Variants in CHTF8 observed in about 807,000 individuals in gnomAD.
The protein encoded by CHTF8 is chromosome transmission fidelity factor 8.
In CHTF8, 6 loss-of-function variants were observed where a neutral mutation model predicts 11.0. The observed-to-expected ratio is 0.55, with a 90% CI of 0.30 to 1.08. The LOEUF (loss-of-function observed/expected upper bound fraction) is 1.08, where lower values mean the gene tolerates loss of function less well. CHTF8 is among the 50% of genes least tolerant of loss of function. CHTF8 has a pLI of 0.07. For missense variants in CHTF8, 140 were observed against 153.1 expected, an observed-to-expected ratio of 0.91 and a Z score of 0.45; for synonymous variants, 53 against 60.5, an observed-to-expected ratio of 0.88 and a Z score of 0.57.
Position 69,118,158 on chromosome 16 carries a change from C to CAA in CHTF8, c.*2266_*2267insTT. The CAA allele has an allele frequency of 2.2e-6, 1 of 447,672 alleles. No individual in the cohort carries two copies. Among genetic ancestry groups the CAA allele is most frequent in the Non-Finnish European group, 4.1e-6 (1 of 242,248 alleles). The allele number at this position is 447,672 out of a possible 1,614,324, so 27.7% of individuals were successfully genotyped here. On this transcript the variant is annotated 3_prime_UTR_variant, in exon 4 of 4. Transcript: ENST00000448552. Reference sequence around the variant, plus strand: ...ACCCTAATTCCCATATTCCCATCCACATCAGTTTAAATTTTGAGGTTCTTT... The same window carrying CAA: ...ACCCTAATTCCCATATTCCCATCCACAAATCAGTTTAAATTTTGAGGTTCTTT...
At position 69,118,412 on chromosome 16, in the gene CHTF8, G is replaced by C; in HGVS notation, c.*2013C>G. Reference sequence around the variant, plus strand: ...CCAGGTCCAAGCTGCCCAGGTCAGAGCTACGGAAGCATGGTCCGTTCACCA... The same window carrying C: ...CCAGGTCCAAGCTGCCCAGGTCAGACCTACGGAAGCATGGTCCGTTCACCA... On this transcript the variant is annotated 3_prime_UTR_variant, in exon 4 of 4. Coordinates refer to ENST00000448552, the MANE Select transcript of CHTF8 (RefSeq NM_001039690.5). 1 of 1,613,706 alleles carries C rather than the reference G, an allele frequency of 6.2e-7. No individual in the cohort carries two copies. The highest frequency in any genetic ancestry group is 2.2e-5 in the East Asian group (1 of 44,886).
chr16:69,122,949 G>A (rs908277183), intron 1 of CHTF8, among the ~76,000 whole-genome samples: 6 of 152,124 alleles, frequency 3.9e-5, no homozygotes, highest in African/African-American at 1.2e-4. Context: ...AAAGTGCTGG[G>A]ATTACAGGCA....
At chr16:69,131,856 A>G (rs550143095) in intron 1 of CHTF8, among the ~76,000 whole-genome samples, 1 of 150,914 alleles carries the variant, frequency 6.6e-6, no homozygotes, top group South Asian at 2.1e-4. Flanking sequence ...TCCCTCCCAC[A>G]AAAGAACCTG....
At chr16:69,129,809 C>A (rs536371971) in intron 1 of CHTF8, among the ~76,000 whole-genome samples, 1 of 152,174 alleles carries the variant, frequency 6.6e-6, no homozygotes, top group Non-Finnish European at 1.5e-5. Context: ...TACAAAATGG[C>A]AAAGTAACCT....
rs189213929 is a variant in CHTF8 at position 69,128,215 on chromosome 16, C to T, written c.-36+4269G>A. Among the ~76,000 whole-genome samples, 24 of 152,272 alleles carry T rather than the reference C, an allele frequency of 1.6e-4. No homozygotes were observed. In the East Asian group the frequency reaches 4.6e-3, roughly 29 times the overall value. On this transcript the variant is annotated intron_variant, in intron 1 of 3. Coordinates refer to ENST00000448552, the MANE Select transcript of CHTF8 (RefSeq NM_001039690.5). ...GGCGTGAACCACAGCGCCCGGCTAA[C>T]TATCTCTTAAGAGCAGAGTTCAACC...
chr16:69,124,377 T>C (rs946225172), intron 1 of CHTF8, among the ~76,000 whole-genome samples: 3 of 152,150 alleles, frequency 2.0e-5, no homozygotes, highest in Non-Finnish European at 2.9e-5. Context: ...ATAGGTATTA[T>C]AATTGTGCTC....
Position 69,120,444 on chromosome 16 carries a change from C to T in CHTF8, c.347G>A (p.Ser116Asn), listed in dbSNP as rs1961561138. The T allele has an allele frequency of 6.2e-7, 1 of 1,614,104 alleles. No individual in the cohort carries two copies. Among genetic ancestry groups the T allele is most frequent in the South Asian group, 1.1e-5 (1 of 91,076 alleles). Residue 116 changes from serine (S) to asparagine (N), a missense_variant, in exon 4 of 4, where the codon AGC becomes AAC. Transcript: ENST00000448552. This position sits in a 1 kb window ranked among gnomAD's most constrained non-coding sequence, Gnocchi z 4.0. The part of the protein sequence containing the change: ...FKTRPKPIIT[S>N]VPKKV ...GTTCTTTCATACTTTCTTGGGGACG[C>T]TGGTGATAATGGGCTTGGGGCGGGT... is the stretch of plus-strand genomic sequence containing the variant.
chr16:69,131,325 T>C (rs1962495926), intron 1 of CHTF8: 1 of 152,172 alleles, frequency 6.6e-6, no homozygotes, highest in African/African-American at 2.4e-5. Context: ...GTGGAAAAGA[T>C]GGCTTCAGTC....
intron 1 of CHTF8, among the ~76,000 whole-genome samples, chr16:69,127,601 CTTTTTT>C (rs71383961): frequency 3.8e-4 from 40 of 104,390 alleles, no homozygotes; most frequent in Non-Finnish European, 6.4e-4. Context: ...CTCCCGGCAA[CTTTTTT>C]TTTTTTTTTT....
At chr16:69,123,972 C>T (rs920839254) in intron 1 of CHTF8, among the ~76,000 whole-genome samples, 5 of 148,526 alleles carry the variant, frequency 3.4e-5, no homozygotes, top group South Asian at 2.1e-4. Context: ...GGTGTGGTGG[C>T]GCACGCCTGC....
intron 1 of CHTF8, among the ~76,000 whole-genome samples, chr16:69,130,486 CTT>C (rs1240747206): frequency 6.6e-6 from 1 of 152,108 alleles, no homozygotes; most frequent in Non-Finnish European, 1.5e-5. Context: ...AGGGTGGATA[CTT>C]TGTTTACGAA....
chr16:69,122,532 C>A (rs956708485), intron 1 of CHTF8, among the ~76,000 whole-genome samples: 1 of 151,188 alleles, frequency 6.6e-6, no homozygotes, highest in Non-Finnish European at 1.5e-5. Context: ...GTCACCATAC[C>A]CAGCTAATTT....
chr16:69,124,935 G>A (rs533602857), intron 1 of CHTF8, among the ~76,000 whole-genome samples: 4 of 149,350 alleles, frequency 2.7e-5, no homozygotes, highest in South Asian at 2.1e-4. Flanking sequence ...ACAGAGTTTC[G>A]CTCCTGTTGC....
At chr16:69,126,867 A>AG (rs1252094191) in intron 1 of CHTF8, among the ~76,000 whole-genome samples, 3 of 152,162 alleles carry the variant, frequency 2.0e-5, no homozygotes, top group Non-Finnish European at 4.4e-5. Context: ...AGGGCACAGT[A>AG]GGTAGGGATT....
chr16:69,130,839 T>A (rs532230811), intron 1 of CHTF8, among the ~76,000 whole-genome samples: 1 of 152,338 alleles, frequency 6.6e-6, no homozygotes, highest in South Asian at 2.1e-4. Context: ...GTCATCAGAA[T>A]AAAATCAAGT....
intron 1 of CHTF8, among the ~76,000 whole-genome samples, chr16:69,130,703 C>G (rs1962436133): frequency 6.6e-6 from 1 of 152,208 alleles, no homozygotes; most frequent in Non-Finnish European, 1.5e-5. Flanking sequence ...CCTTCAGGGT[C>G]AAGCTATCGA....
rs759592830 is a variant in CHTF8 at position 69,120,653 on chromosome 16, T to C, written c.142-4A>G. On this transcript the variant is annotated splice_region_variant and splice_polypyrimidine_tract_variant and intron_variant, in intron 3 of 3. Transcript: ENST00000448552. The surrounding 1 kb of genome is among the most constrained non-coding windows in gnomAD (Gnocchi z 4.0). ...CCACGATCAGCACAGGGATTCCCTT[T>C]GGCAGAACAAGAACGAGATTCCTGA... 1.3e-5 allele frequency: 21 copies of C among 1,604,338 alleles called. 1 individual carries two copies. In the South Asian group the frequency reaches 2.1e-4, roughly 16 times the overall value.
chr16:69,120,296 C>T lies in CHTF8; in HGVS notation c.*129G>A. On this transcript the variant is annotated 3_prime_UTR_variant, in exon 4 of 4. Coordinates refer to ENST00000448552, the MANE Select transcript of CHTF8 (RefSeq NM_001039690.5). This position sits in a 1 kb window ranked among gnomAD's most constrained non-coding sequence, Gnocchi z 4.0. Reference sequence around the variant, plus strand: ...ATAAGGAAGGGATCCGAGTTCACACCCAGTGGGTGGCCTGTGTTCAGAACA... The same window carrying T: ...ATAAGGAAGGGATCCGAGTTCACACTCAGTGGGTGGCCTGTGTTCAGAACA... 1 of 851,810 alleles carries T rather than the reference C, an allele frequency of 1.2e-6. No homozygotes were observed. The highest frequency in any genetic ancestry group is 1.4e-5 in the South Asian group (1 of 71,888). The allele number at this position is 851,810 out of a possible 1,614,324, so 52.8% of individuals were successfully genotyped here.
chr16:69,121,801 G>A (rs991208961), intron 1 of CHTF8, among the ~76,000 whole-genome samples: 1 of 152,154 alleles, frequency 6.6e-6, no homozygotes, highest in Non-Finnish European at 1.5e-5. Flanking sequence ...CCGAGTAGCT[G>A]GGACTACAGG....
Sources: gnomAD v4.1 joint callset for allele counts (sites outside exome capture counted in the v4.1 genomes callset) on GRCh38, gnomAD v4.1.1 for gene constraint, Gnocchi (gnomAD v3.1) non-coding constraint, MANE v1.5 for transcripts, NCBI Gene and HGNC (gene_info 2026-07-23, HGNC 2026-07-21) for gene names.